DMRTB1: variants seen among roughly 807,000 people sequenced by gnomAD.
DMRTB1 encodes the protein DMRT like family B with proline rich C-terminal 1, also known as doublesex- and mab-3-related transcription factor B1.
Under a neutral mutation model 25.2 loss-of-function variants are expected in DMRTB1, and 9 were observed. The ratio of observed to expected loss-of-function variants is 0.36; its 90% CI spans 0.22 to 0.62. The LOEUF is 0.62. Ranked by LOEUF, DMRTB1 falls within the 20% of genes least tolerant of loss-of-function variation. The pLI, the probability that DMRTB1 is intolerant of heterozygous loss-of-function variation, is 0.71. For missense variants in DMRTB1, 551 were observed against 499.3 expected, an observed-to-expected ratio of 1.10 and a Z score of -0.99; for synonymous variants, 269 against 238.1, an observed-to-expected ratio of 1.13 and a Z score of -1.20.
In DMRTB1 at chr1:53,461,399, C is replaced by T. The variant is rs557296258; in HGVS notation, c.578-74C>T. On this transcript the variant is annotated intron_variant, in intron 1 of 3. Transcript: ENST00000371445. ...GCTTGGACGGCAGCGCTGATGACCC[C>T]GCCGCCCTGGGCCGCCCTGCGGATG... 40 of 1,459,534 alleles carry T rather than the reference C, an allele frequency of 2.7e-5. No homozygotes were observed. The African/African-American group carries it at 5.3e-4, about 19-fold the overall frequency. 90.4% of individuals were successfully genotyped at this position (1,459,534 alleles called of 1,614,324 possible). A position where few individuals can be genotyped will look rare whatever the true frequency, so the allele number is the denominator to read the frequency against.
intron 2 of DMRTB1, 121 bp downstream of exon 2, chr1:53,461,766 C>A: frequency 8.0e-7 from 1 of 1,246,396 alleles, no homozygotes; most frequent in East Asian, 2.7e-5. Context: ...TGCCAGCCCC[C>A]GAGTGCTGGT....
rs1415644582 is a variant in DMRTB1 at position 53,459,851 on chromosome 1, C to A, written c.398C>A (p.Ala133Asp). 5 of 1,489,742 alleles carry A rather than the reference C, an allele frequency of 3.4e-6. No individual in the cohort carries two copies. Among genetic ancestry groups the A allele is most frequent in the Non-Finnish European group, 4.4e-6 (5 of 1,128,754 alleles). 92.3% of individuals were successfully genotyped at this position (1,489,742 alleles called of 1,614,324 possible). A position where few individuals can be genotyped will look rare whatever the true frequency, so the allele number is the denominator to read the frequency against. The change falls in exon 1 of 4, where the codon GCC becomes GAC. Residue 133 changes from alanine (A) to aspartate (D), a missense_variant. Ala to Asp is a moderately radical substitution (Grantham distance 126). Coordinates refer to ENST00000371445, the MANE Select transcript of DMRTB1 (RefSeq NM_033067.3). The stretch of plus-strand genomic sequence containing the variant: ...CGGGGCCGGAACCCCGGCCCGAGAG[C>A]CCTCCAGCCGGTTCTGGGCGGCCGC... Reference protein sequence around the residue: ...PPRGRNPGPRALQPVLGGRSH... With the variant: ...PPRGRNPGPRDLQPVLGGRSH...
intron 2 of DMRTB1, among the ~76,000 whole-genome samples, chr1:53,463,036 G>C (rs530504891): frequency 6.6e-6 from 1 of 152,374 alleles, no homozygotes; most frequent in East Asian, 1.9e-4. Context: ...ATCTCAGTCG[G>C]TTTATCTGGG....
At chr1:53,461,397 C>A in intron 1 of DMRTB1, 76 bp from the exon 2 acceptor site, 1 of 1,444,620 alleles carries the variant, frequency 6.9e-7, no homozygotes, top group Non-Finnish European at 9.2e-7. Context: ...CGCTGATGAC[C>A]CCGCCGCCCT....
chr1:53,464,700 C>A lies in DMRTB1; in HGVS notation c.814C>A (p.Pro272Thr). 6.2e-7 allele frequency: 1 copy of A among 1,613,636 alleles called. No individual in the cohort carries two copies. The highest frequency in any genetic ancestry group is 8.5e-7 in the Non-Finnish European group (1 of 1,179,810). ...YYLPPPPPPLPPLPPLPPQPQ... is the reference protein window; with the variant it reads ...YYLPPPPPPLTPLPPLPPQPQ... ...CCTGCCGCCGCCGCCGCCGCCACTGCCGCCCCTTCCACCGCTTCCACCGCA... is the reference window on the plus strand; with the variant it reads ...CCTGCCGCCGCCGCCGCCGCCACTGACGCCCCTTCCACCGCTTCCACCGCA... The change falls in exon 3 of 4, where the codon CCG (proline) becomes ACG (threonine). Residue 272 changes from proline (P) to threonine (T), a missense_variant. Physicochemically the swap from Pro to Thr is conservative, Grantham distance 38 (BLOSUM62 -1). Coordinates refer to ENST00000371445, the MANE Select transcript of DMRTB1 (RefSeq NM_033067.3).
At position 53,460,035 on chromosome 1, in the gene DMRTB1, G is replaced by A; in HGVS notation, c.577+5G>A. ...GCCCACTGTTCACCGACTTTGGTAA[G>A]TCGTGGCCTTGGTCCCGCGGTCGAC... is the stretch of plus-strand genomic sequence containing the variant. On this transcript the variant is annotated splice_donor_5th_base_variant and intron_variant, in intron 1 of 3. Transcript: ENST00000371445. 2 of 1,567,654 alleles carry A rather than the reference G, an allele frequency of 1.3e-6. No homozygotes were observed. The highest frequency in any genetic ancestry group is 1.7e-6 in the Non-Finnish European group (2 of 1,165,702).
At chr1:53,460,572 C>T (rs1258948190) in intron 1 of DMRTB1, 1 of 153,026 alleles carries the variant, frequency 6.5e-6, no homozygotes, top group Admixed American at 6.5e-5. Context: ...TGAGGGGAGC[C>T]TGCTTCTTTA....
chr1:53,461,668 T>C, intron 2 of DMRTB1, 23 bp downstream of exon 2: 1 of 1,529,228 alleles, frequency 6.5e-7, no homozygotes, highest in Non-Finnish European at 8.8e-7. Flanking sequence ...CCTCACTTCT[T>C]GCCAGCTTCC....
rs1553210711 is a variant in DMRTB1 at position 53,459,710 on chromosome 1, C to CCCCCGCCCCCGT, written c.262_263insCCCCCGTCCCCG (p.Pro87_Val88insAlaProValPro). The CCCCCGCCCCCGT allele has an allele frequency of 7.3e-5, 105 of 1,435,736 alleles. No individual in the cohort carries two copies. The African/African-American group carries it at 1.3e-3, about 18-fold the overall frequency. 88.9% of individuals were successfully genotyped at this position (1,435,736 alleles called of 1,614,324 possible). On this transcript the variant is annotated inframe_insertion, in exon 1 of 4. Coordinates refer to ENST00000371445, the MANE Select transcript of DMRTB1 (RefSeq NM_033067.3). ...TCCGGGGCTGCGGCCGCCGCCCCCGCCCCCGTCCCCGTCCCGGCCGCGAGC... is the reference window on the plus strand; with the variant it reads ...TCCGGGGCTGCGGCCGCCGCCCCCGCCCCCGCCCCCGTCCCCGTCCCCGTCCCGGCCGCGAGC...
At chr1:53,463,659 T>C (rs950036137) in intron 2 of DMRTB1, among the ~76,000 whole-genome samples, 2 of 152,258 alleles carry the variant, frequency 1.3e-5, no homozygotes, top group African/African-American at 4.8e-5. Context: ...GCCTTTAATA[T>C]GCTCATGTGT....
At position 53,467,464 on chromosome 1, in the gene DMRTB1, A is replaced by T. The variant is rs1167904494; in HGVS notation, c.*802A>T. ...GTTTCTTCTGTGAGGACAGTTGGCT[A>T]TTGAAATAAAATGAGCAATGGAAAT... On this transcript the variant is annotated 3_prime_UTR_variant, in exon 4 of 4. Transcript: ENST00000371445. 1 of 152,264 alleles carries T rather than the reference A, an allele frequency of 6.6e-6. No individual in the cohort carries two copies. The highest frequency in any genetic ancestry group is 1.5e-5 in the Non-Finnish European group (1 of 68,060). The allele number at this position is 152,264 out of a possible 1,614,324, so 9.4% of individuals were successfully genotyped here.
chr1:53,463,963 T>A (rs1410891673), intron 2 of DMRTB1, among the ~76,000 whole-genome samples: 1 of 152,132 alleles, frequency 6.6e-6, no homozygotes, highest in East Asian at 1.9e-4. Context: ...TTGGATTCCA[T>A]CCCTTGAAGA....
rs1358123467 is a variant in DMRTB1, at chr1:53,460,283, A to G, written c.577+253A>G. ...TAGCTGTAGTTTGTGCCATTCCGGC[A>G]TGCAAGAACAAAATGGCGTCCAGTC... On this transcript the variant is annotated intron_variant, in intron 1 of 3. Transcript: ENST00000371445. 6.7e-6 allele frequency: 3 copies of G among 450,042 alleles called. No homozygotes were observed. The East Asian group carries it at 1.3e-4, about 20-fold the overall frequency. 27.9% of individuals were successfully genotyped at this position (450,042 alleles called of 1,614,324 possible).
Position 53,466,793 on chromosome 1 carries a change from T to A in DMRTB1, c.*131T>A. 1.1e-6 allele frequency: 1 copy of A among 910,184 alleles called. No individual in the cohort carries two copies. The highest frequency in any genetic ancestry group is 1.8e-6 in the Non-Finnish European group (1 of 570,214). 56.4% of individuals were successfully genotyped at this position (910,184 alleles called of 1,614,324 possible). A position where few individuals can be genotyped will look rare whatever the true frequency, so the allele number is the denominator to read the frequency against. ...CATAGATGGCAACTGATTCCCAGTT[T>A]AAGATAGGAGGAAGGAGAGCAATTT... On this transcript the variant is annotated 3_prime_UTR_variant, in exon 4 of 4. Transcript: ENST00000371445.
At chr1:53,460,327 C>T in intron 1 of DMRTB1, 1 of 300,166 alleles carries the variant, frequency 3.3e-6, no homozygotes, top group Non-Finnish European at 6.1e-6. Context: ...AGTGCTTCCT[C>T]CTCCGGGGGA....
chr1:53,461,409 G>GGCCGCCCTGC (rs1163569968), intron 1 of DMRTB1, 64 bp from the exon 2 acceptor site: 2 of 1,489,062 alleles, frequency 1.3e-6, no homozygotes, highest in African/African-American at 1.4e-5. Flanking sequence ...CGCCGCCCTG[G>GGCCGCCCTGC]GCCGCCCTGC....
rs1644023447 is a variant in DMRTB1 at position 53,461,601 on chromosome 1, G to A, written c.706G>A (p.Gly236Ser). Reference sequence around the variant, plus strand: ...CCCTCCTGGCGTCCCCCTGCAGCAGGGCTTCCGGCATGTGTCCCGCAGCCA... The same window carrying A: ...CCCTCCTGGCGTCCCCCTGCAGCAGAGCTTCCGGCATGTGTCCCGCAGCCA... Reference protein sequence around the residue: ...DAPPGVPLQQGFRHVSRSQYQ... With the variant: ...DAPPGVPLQQSFRHVSRSQYQ... The change falls in exon 2 of 4, where the codon GGC (glycine) becomes AGC (serine). Residue 236 changes from glycine (G) to serine (S), a missense_variant. By Grantham distance (56) the Gly-to-Ser change is moderately conservative (BLOSUM62 0). Transcript: ENST00000371445. The A allele has an allele frequency of 6.2e-7, 1 of 1,609,738 alleles. No homozygotes were observed. Among genetic ancestry groups the A allele is most frequent in the Non-Finnish European group, 8.5e-7 (1 of 1,178,418 alleles).
intron 2 of DMRTB1, among the ~76,000 whole-genome samples, chr1:53,462,205 G>C (rs561116805): frequency 5.9e-5 from 9 of 152,220 alleles, no homozygotes; most frequent in Admixed American, 5.2e-4. Context: ...AAGGTCAGTC[G>C]TTAGCTGGTA....
At chr1:53,463,972 G>T (rs1644036971) in intron 2 of DMRTB1, among the ~76,000 whole-genome samples, 1 of 152,164 alleles carries the variant, frequency 6.6e-6, no homozygotes, top group Non-Finnish European at 1.5e-5. Context: ...ATCCCTTGAA[G>T]AAGGGACAGA....
Sources: allele counts gnomAD v4.1 joint callset (sites outside exome capture counted in the v4.1 genomes callset), GRCh38; gene constraint gnomAD v4.1.1; transcripts MANE v1.5; gene names NCBI Gene and HGNC (gene_info 2026-07-23, HGNC 2026-07-21).